ZFAT: variants seen among roughly 807,000 people sequenced by gnomAD.
ZFAT encodes zinc finger protein ZFAT.
Under a neutral mutation model 117.7 loss-of-function variants are expected in ZFAT, and 64 were observed. The ratio of observed to expected loss-of-function variants is 0.54; its 90% CI spans 0.44 to 0.67. The LOEUF (loss-of-function observed/expected upper bound fraction) is 0.67, where lower values mean the gene tolerates loss of function less well. Ranked by LOEUF, ZFAT falls within the 30% of genes least tolerant of loss-of-function variation. The pLI is 0.00. For synonymous variants in ZFAT, 679 were observed against 615.0 expected (o/e 1.10, Z -1.54); for missense variants, 1,433 against 1,584.5 (o/e 0.90, Z 1.62).
chr8:134,771,349 A>AT, the ZFAT span, among the ~76,000 whole-genome samples: 1 of 152,204 alleles, frequency 6.6e-6, no homozygotes, highest in Non-Finnish European at 1.5e-5. Context: ...TGCCTTTAAC[A>AT]GCACCCAAGT....
the ZFAT span, among the ~76,000 whole-genome samples, chr8:134,760,280 A>AAAC: frequency 0.021 from 2,768 of 129,416 alleles, 78 homozygotes; most frequent in African/African-American, 0.072. Context: ...AAAGAAAAAA[A>AAAC]AAAAAAAACA....
intron 1 of ZFAT, among the ~76,000 whole-genome samples, chr8:134,710,789 A>T (rs1813964192): frequency 6.6e-6 from 1 of 152,244 alleles, no homozygotes. Flanking sequence ...ACCATCAGAA[A>T]GCAAAGGTGT....
At chr8:134,700,380 G>C (rs1833977754) in intron 1 of ZFAT, among the ~76,000 whole-genome samples, 1 of 152,178 alleles carries the variant, frequency 6.6e-6, no homozygotes, top group Non-Finnish European at 1.5e-5. Flanking sequence ...GAGAAAGGCA[G>C]GCTAGATGGA....
intron 7 of ZFAT, among the ~76,000 whole-genome samples, chr8:134,591,358 T>C (rs1036211533): frequency 6.6e-6 from 1 of 152,272 alleles, no homozygotes; most frequent in African/African-American, 2.4e-5. Context: ...TTGTTCATCC[T>C]GCATTGCTGC....
Position 134,696,391 on chromosome 8 carries a change from C to G in ZFAT, c.19+16454G>C, listed in dbSNP as rs901484271. 3 of 985,488 alleles carry G rather than the reference C, an allele frequency of 3.0e-6. No homozygotes were observed. In the African/African-American group the frequency reaches 5.2e-5, roughly 17 times the overall value. The allele number at this position is 985,488 out of a possible 1,614,324, so 61.0% of individuals were successfully genotyped here. A position where few individuals can be genotyped will look rare whatever the true frequency, so the allele number is the denominator to read the frequency against. On this transcript the variant is annotated intron_variant, in intron 1 of 15. Transcript: ENST00000377838. Reference sequence around the variant, plus strand: ...ACCTCTGAAACCACCCAGGAATCAACAGGAAAGTTCAGAGTGGAAACTCGC... The same window carrying G: ...ACCTCTGAAACCACCCAGGAATCAAGAGGAAAGTTCAGAGTGGAAACTCGC...
chr8:134,782,723 G>T, the ZFAT span, among the ~76,000 whole-genome samples: 7 of 151,882 alleles, frequency 4.6e-5, no homozygotes, highest in Admixed American at 2.0e-4. Flanking sequence ...TGTGCCTTTT[G>T]CCTTCTGCCA....
intron 3 of ZFAT, among the ~76,000 whole-genome samples, chr8:134,636,052 T>C (rs868643443): frequency 1.1e-4 from 17 of 152,204 alleles, no homozygotes; most frequent in Non-Finnish European, 2.2e-4. Context: ...TGGTATTTTC[T>C]ACAACTTGTA....
chr8:134,753,996 A>T, the ZFAT span, among the ~76,000 whole-genome samples: 3 of 152,236 alleles, frequency 2.0e-5, no homozygotes, highest in Non-Finnish European at 4.4e-5. Flanking sequence ...AGCCTGAATC[A>T]ACACTTGGCT....
At chr8:134,716,555 A>G (rs1563784041), upstream of ZFAT, among the ~76,000 whole-genome samples, 1 of 152,146 alleles carries the variant, frequency 6.6e-6, no homozygotes, top group Non-Finnish European at 1.5e-5. Context: ...AGCTAATTCC[A>G]TGTGTGGGAG....
chr8:134,637,348 A>G, intron 3 of ZFAT, 113 bp downstream of exon 3: 1 of 1,352,912 alleles, frequency 7.4e-7, no homozygotes, highest in Non-Finnish European at 1.0e-6. Context: ...GATGGGTGAG[A>G]GCTGAATAAA....
intron 2 of ZFAT, among the ~76,000 whole-genome samples, chr8:134,645,535 A>C (rs1168454304): frequency 6.6e-6 from 1 of 152,244 alleles, no homozygotes; most frequent in Non-Finnish European, 1.5e-5. Context: ...TGTCAAAAGT[A>C]AATTATTTAA....
chr8:134,625,556 A>C (rs75057186), intron 3 of ZFAT, among the ~76,000 whole-genome samples: 7,785 of 152,244 alleles, frequency 0.051, 278 homozygotes, highest in South Asian at 0.084. Flanking sequence ...GTCTATTTAC[A>C]TCACTGTCCT....
In ZFAT at chr8:134,513,916, C is replaced by A. The variant is rs555772129; in HGVS notation, c.3235-1315G>T. 3.3e-5 allele frequency among the ~76,000 whole-genome samples: 5 copies of A among 152,216 alleles called. No individual in the cohort carries two copies. The East Asian group carries it at 9.6e-4, about 29-fold the overall frequency. On this transcript the variant is annotated intron_variant, in intron 13 of 15. Transcript: ENST00000377838. The stretch of plus-strand genomic sequence containing the variant: ...AATATTCAATGAATGCATAAATGAA[C>A]AAAAAGAAGAACATTTTGTTCTCAG...
At chr8:134,504,120 C>A (rs1200656926) in intron 15 of ZFAT, among the ~76,000 whole-genome samples, 1 of 152,146 alleles carries the variant, frequency 6.6e-6, no homozygotes, top group Non-Finnish European at 1.5e-5. Context: ...CAGGTAAGCT[C>A]TTGTACACAG....
chr8:134,539,275 C>T (rs1428023691), intron 11 of ZFAT, among the ~76,000 whole-genome samples: 7 of 152,178 alleles, frequency 4.6e-5, no homozygotes, highest in Non-Finnish European at 1.5e-5. Flanking sequence ...CTGCAATGTA[C>T]AGGATGGCTT....
the ZFAT span, among the ~76,000 whole-genome samples, chr8:134,722,791 C>G: frequency 0.41 from 62,383 of 152,000 alleles, 13,275 homozygotes; most frequent in Non-Finnish European, 0.47. Context: ...ACTGTGCCCC[C>G]CTTAACTCGT....
At chr8:134,781,890 C>A in the ZFAT span, among the ~76,000 whole-genome samples, 7 of 152,178 alleles carry the variant, frequency 4.6e-5, no homozygotes, top group Non-Finnish European at 1.5e-5. Flanking sequence ...TTTTCCCTAG[C>A]TTAAAGAATA....
chr8:134,524,406 G>A (rs1283353174), intron 12 of ZFAT, among the ~76,000 whole-genome samples: 2 of 152,168 alleles, frequency 1.3e-5, no homozygotes, highest in Admixed American at 1.3e-4. Flanking sequence ...TTCCATGGGA[G>A]AGTAACTGCC....
chr8:134,700,860 A>G (rs1190510365), intron 1 of ZFAT, among the ~76,000 whole-genome samples: 1 of 151,832 alleles, frequency 6.6e-6, no homozygotes, highest in Non-Finnish European at 1.5e-5. Context: ...TGCCCAAGCG[A>G]CCCTTGTACA....
Sources: allele counts gnomAD v4.1 joint callset (sites outside exome capture counted in the v4.1 genomes callset), GRCh38; gene constraint gnomAD v4.1.1; transcripts MANE v1.5; gene names NCBI Gene and HGNC (gene_info 2026-07-23, HGNC 2026-07-21).